Variants in APTX observed in about 807,000 individuals in gnomAD.
The protein encoded by APTX is forkhead-associated domain histidine triad-like protein.
Under a neutral mutation model 42.3 loss-of-function variants are expected in APTX, and 33 were observed. That is an observed-to-expected ratio of 0.78 (90% CI 0.59 to 1.04). The LOEUF is 1.04. Among genes scored for constraint, APTX ranks in the 50% least tolerant of loss-of-function variants. APTX has a pLI of 0.00. For synonymous variants in APTX, 130 were observed against 146.7 expected (o/e 0.89, Z 0.82); for missense variants, 421 against 415.1 (o/e 1.01, Z -0.12).
At chr9:32,992,472 G>C (rs1833871369) in intron 1 of APTX, among the ~76,000 whole-genome samples, 1 of 152,196 alleles carries the variant, frequency 6.6e-6, no homozygotes, top group South Asian at 2.1e-4. Context: ...AATGGAGTGG[G>C]AGGGGCCATT....
chr9:33,015,218 T>C (rs1837809209), intron 1 of APTX, among the ~76,000 whole-genome samples: 1 of 152,260 alleles, frequency 6.6e-6, no homozygotes, highest in African/African-American at 2.4e-5. Flanking sequence ...CTTCAATGTT[T>C]ATAATACATT....
chr9:33,011,623 T>C (rs950584565), intron 1 of APTX, among the ~76,000 whole-genome samples: 2 of 152,212 alleles, frequency 1.3e-5, no homozygotes, highest in Non-Finnish European at 2.9e-5. Flanking sequence ...CTAATTATTT[T>C]ATGGCACCAG....
At chr9:33,011,430 G>A (rs982522429) in intron 1 of APTX, among the ~76,000 whole-genome samples, 1 of 151,850 alleles carries the variant, frequency 6.6e-6, no homozygotes, top group Non-Finnish European at 1.5e-5. Context: ...TGGGATTACA[G>A]GCGCCTGCCA....
At chr9:33,017,538 T>C (rs1224091448) in intron 1 of APTX, among the ~76,000 whole-genome samples, 2 of 143,108 alleles carry the variant, frequency 1.4e-5, no homozygotes, top group Non-Finnish European at 3.2e-5. Flanking sequence ...CATCTCTGAA[T>C]ACCATCAACT....
chr9:33,023,853 T>C (rs963813443), intron 1 of APTX, among the ~76,000 whole-genome samples: 6 of 152,260 alleles, frequency 3.9e-5, no homozygotes, highest in African/African-American at 1.2e-4. Context: ...GACAAAGGCA[T>C]GCCCTAACTA....
intron 6 of APTX, among the ~76,000 whole-genome samples, chr9:32,981,902 G>A (rs1464250254): frequency 6.6e-6 from 1 of 151,758 alleles, no homozygotes. Flanking sequence ...TTACAGGCAA[G>A]ATGCACCAAT....
chr9:32,985,412 G>A (rs891794416), intron 5 of APTX, among the ~76,000 whole-genome samples: 82 of 138,742 alleles, frequency 5.9e-4, no homozygotes, highest in African/African-American at 2.2e-3. Flanking sequence ...TCAGCTCACC[G>A]CAACCTCCAC....
chr9:32,975,987 C>T (rs539734104), intron 6 of APTX, among the ~76,000 whole-genome samples: 1 of 152,278 alleles, frequency 6.6e-6, no homozygotes, highest in East Asian at 1.9e-4. Context: ...TGTAAGTGTA[C>T]TCCAAGCGTA....
chr9:33,001,665 G>C (rs771760740), upstream of APTX: 3 of 1,603,084 alleles, frequency 1.9e-6, no homozygotes, highest in African/African-American at 1.3e-5. Flanking sequence ...ATCGCGACCA[G>C]TGACGTCACC....
chr9:32,989,047 C>A (rs1378979267), intron 2 of APTX, among the ~76,000 whole-genome samples: 1 of 152,166 alleles, frequency 6.6e-6, no homozygotes, highest in African/African-American at 2.4e-5. Flanking sequence ...ATACATGCCC[C>A]TTCAGTTGCT....
At chr9:33,000,589 G>GCT (rs1161805368) in intron 1 of APTX, among the ~76,000 whole-genome samples, 2 of 129,726 alleles carry the variant, frequency 1.5e-5, no homozygotes, top group Non-Finnish European at 3.1e-5. Flanking sequence ...TCACGCCGTT[G>GCT]CTCTCCAGCC....
intron 1 of APTX, among the ~76,000 whole-genome samples, chr9:33,007,194 T>C (rs938907678): frequency 6.6e-6 from 1 of 152,090 alleles, no homozygotes; most frequent in Non-Finnish European, 1.5e-5. Flanking sequence ...TTTTAGATTA[T>C]TCTTTTAGAG....
At chr9:32,993,689 A>C (rs1834167247) in intron 1 of APTX, among the ~76,000 whole-genome samples, 1 of 150,066 alleles carries the variant, frequency 6.7e-6, no homozygotes, top group African/African-American at 2.5e-5. Context: ...AGGTGGATAA[A>C]TCCCAATTCT....
chr9:32,994,936 G>C (rs1011905817), intron 1 of APTX, among the ~76,000 whole-genome samples: 1 of 152,092 alleles, frequency 6.6e-6, no homozygotes, highest in Non-Finnish European at 1.5e-5. Flanking sequence ...TCTATAAATG[G>C]AACAACAAAG....
chr9:32,977,839 A>G (rs557127986), intron 6 of APTX, among the ~76,000 whole-genome samples: 1 of 152,116 alleles, frequency 6.6e-6, no homozygotes, highest in African/African-American at 2.4e-5. Context: ...TCAAAAAAGA[A>G]AAAGAAAAAA....
rs766271125 is a variant in APTX, at chr9:32,981,422, A to ATG, written c.770+3207_770+3208dup. On this transcript the variant is annotated intron_variant, in intron 6 of 7. Coordinates refer to ENST00000379817, the MANE Select transcript of APTX (RefSeq NM_001195248.2). Reference sequence around the variant, plus strand: ...TAAACACAGAATTATAGGGGTGTGTATGTGTGTGTGTGTGTATGGCTTAGG... The same window carrying ATG: ...TAAACACAGAATTATAGGGGTGTGTATGTGTGTGTGTGTGTGTATGGCTTAGG... Among the ~76,000 whole-genome samples, 726 of 150,268 alleles carry ATG rather than the reference A, an allele frequency of 4.8e-3. 2 individuals are homozygous for ATG. The highest frequency in any genetic ancestry group is 0.022 in the Admixed American group (339 of 15,154).
chr9:32,979,330 C>T (rs922386294), intron 6 of APTX, among the ~76,000 whole-genome samples: 2 of 152,116 alleles, frequency 1.3e-5, no homozygotes, highest in Admixed American at 1.3e-4. Flanking sequence ...CTTAGGATAA[C>T]GGCCTACAGC....
At chr9:32,990,724 T>C (rs144880951) in intron 1 of APTX, among the ~76,000 whole-genome samples, 27 of 152,156 alleles carry the variant, frequency 1.8e-4, no homozygotes, top group Non-Finnish European at 3.4e-4. Flanking sequence ...GAGGAAGGGA[T>C]ATTAATGTGC....
intron 6 of APTX, among the ~76,000 whole-genome samples, chr9:32,981,033 C>G (rs1239235787): frequency 6.6e-6 from 1 of 152,082 alleles, no homozygotes; most frequent in Non-Finnish European, 1.5e-5. Context: ...ATGAGGAAAC[C>G]ACACTAAATG....
Sources: gnomAD v4.1 joint callset for allele counts (sites outside exome capture counted in the v4.1 genomes callset) on GRCh38, gnomAD v4.1.1 for gene constraint, MANE v1.5 for transcripts, NCBI Gene and HGNC (gene_info 2026-07-23, HGNC 2026-07-21) for gene names.